CACNA2D3: variants seen among roughly 807,000 people sequenced by gnomAD.
CACNA2D3 encodes voltage-dependent calcium channel subunit alpha-2/delta-3.
CACNA2D3 carries 60 observed loss-of-function variants against 160.6 expected under a neutral mutation model. That is an observed-to-expected ratio of 0.37 (90% CI 0.30 to 0.46). The LOEUF is 0.46. Among genes scored for constraint, CACNA2D3 ranks in the 20% least tolerant of loss-of-function variants. The pLI, the probability that CACNA2D3 is intolerant of heterozygous loss-of-function variation, is 1.00. For synonymous variants in CACNA2D3, 558 were observed against 492.9 expected (o/e 1.13, Z -1.75); for missense variants, 1,205 against 1,365.0 (o/e 0.88, Z 1.85).
At chr3:54,612,868 T>G (rs1053627017) in intron 9 of CACNA2D3, among the ~76,000 whole-genome samples, 4 of 152,166 alleles carry the variant, frequency 2.6e-5, no homozygotes, top group African/African-American at 7.2e-5. Flanking sequence ...CTGGACCGCC[T>G]TATTACCCCC....
chr3:54,601,444 G>C (rs1336469366), intron 9 of CACNA2D3, among the ~76,000 whole-genome samples: 2 of 152,140 alleles, frequency 1.3e-5, no homozygotes, highest in African/African-American at 4.8e-5. Context: ...CTGGGCTCAA[G>C]TGATCCTCCT....
At chr3:54,455,992 CAG>C (rs1391795867) in intron 4 of CACNA2D3, among the ~76,000 whole-genome samples, 2 of 152,032 alleles carry the variant, frequency 1.3e-5, no homozygotes, top group African/African-American at 4.8e-5. Flanking sequence ...ATGAAGCCTC[CAG>C]CTTTGTTCTT....
chr3:54,322,828 A>G (rs1240846124), intron 3 of CACNA2D3, among the ~76,000 whole-genome samples: 1 of 152,190 alleles, frequency 6.6e-6, no homozygotes, highest in Non-Finnish European at 1.5e-5. Context: ...TAAAAAAAAA[A>G]AGACGATTTG....
intron 31 of CACNA2D3, among the ~76,000 whole-genome samples, chr3:55,001,128 C>T (rs960027720): frequency 3.3e-5 from 5 of 152,190 alleles, no homozygotes; most frequent in African/African-American, 1.2e-4. Flanking sequence ...TACACATCAG[C>T]TGTTGTTATC....
At chr3:54,664,125 A>G (rs1027900351) in intron 11 of CACNA2D3, among the ~76,000 whole-genome samples, 7 of 152,236 alleles carry the variant, frequency 4.6e-5, no homozygotes, top group East Asian at 1.9e-4. Flanking sequence ...TGCATCCCCA[A>G]GGGCCAGCTT....
chr3:54,257,488 A>AT (rs869203414), intron 2 of CACNA2D3, among the ~76,000 whole-genome samples: 36 of 150,886 alleles, frequency 2.4e-4, no homozygotes, highest in African/African-American at 7.1e-4. Context: ...CCCACCAGCT[A>AT]TTTTTTTTTC....
chr3:54,934,010 G>T (rs1701270082), intron 27 of CACNA2D3, among the ~76,000 whole-genome samples: 1 of 152,052 alleles, frequency 6.6e-6, no homozygotes, highest in African/African-American at 2.4e-5. Flanking sequence ...ACCTGGGGTG[G>T]TCCACCTGCC....
chr3:54,627,908 C>T (rs370030640), intron 10 of CACNA2D3, 32 bp downstream of exon 10: 16 of 1,413,298 alleles, frequency 1.1e-5, no homozygotes, highest in African/African-American at 9.9e-5. Context: ...CTTTCTCATC[C>T]CTTGGAGAAT....
At chr3:54,789,044 C>T (rs1356986352) in intron 13 of CACNA2D3, among the ~76,000 whole-genome samples, 3 of 152,114 alleles carry the variant, frequency 2.0e-5, no homozygotes, top group African/African-American at 7.2e-5. Context: ...TTATTGAATG[C>T]TCACAGTTGG....
chr3:54,634,141 C>T lies in CACNA2D3; in HGVS notation c.1053+6265C>T, dbSNP rs191174032. Among the ~76,000 whole-genome samples, 327 of 152,294 alleles carry T rather than the reference C, an allele frequency of 2.1e-3. 6 individuals carry two copies. Among genetic ancestry groups the T allele is most frequent in the Admixed American group, 0.017 (262 of 15,302 alleles). Reference sequence around the variant, plus strand: ...TATCTTTAATTTGAATGCTTTATTACGTCTCTCATTCACCAGTGGCCAGCC... The same window carrying T: ...TATCTTTAATTTGAATGCTTTATTATGTCTCTCATTCACCAGTGGCCAGCC... On this transcript the variant is annotated intron_variant, in intron 10 of 37. Coordinates refer to ENST00000474759, the MANE Select transcript of CACNA2D3 (RefSeq NM_018398.3).
Position 54,130,694 on chromosome 3 carries a change from A to G in CACNA2D3, c.204+7100A>G, listed in dbSNP as rs138617158. On this transcript the variant is annotated intron_variant, in intron 2 of 37. Coordinates refer to ENST00000474759, the MANE Select transcript of CACNA2D3 (RefSeq NM_018398.3). Reference sequence around the variant, plus strand: ...GGTCTACACATCTGGCCACAGTGCTATATTTTCTTGTCTTTGCGTGATCCT... The same window carrying G: ...GGTCTACACATCTGGCCACAGTGCTGTATTTTCTTGTCTTTGCGTGATCCT... 2.0e-5 allele frequency among the ~76,000 whole-genome samples: 3 copies of G among 152,340 alleles called. No homozygotes were observed. The East Asian group carries it at 5.8e-4, about 29-fold the overall frequency.
Position 54,550,419 on chromosome 3 carries a change from C to T in CACNA2D3, c.545-12381C>T, listed in dbSNP as rs1382498863. Among the ~76,000 whole-genome samples the T allele has an allele frequency of 3.9e-5, 6 of 152,278 alleles. No homozygotes were observed. The East Asian group carries it at 5.8e-4, about 15-fold the overall frequency. On this transcript the variant is annotated intron_variant, in intron 5 of 37. Transcript: ENST00000474759. ...TGCGAGGGGGCCGAGCAGCTGGCACCGCGTGGCGCAGTGGCTCCCGCCAAG... is the reference window on the plus strand; with the variant it reads ...TGCGAGGGGGCCGAGCAGCTGGCACTGCGTGGCGCAGTGGCTCCCGCCAAG...
Position 54,871,227 on chromosome 3 carries a change from C to CT in CACNA2D3, c.1627-312_1627-311insT, listed in dbSNP as rs1276126082. On this transcript the variant is annotated intron_variant, in intron 17 of 37. Coordinates refer to ENST00000474759, the MANE Select transcript of CACNA2D3 (RefSeq NM_018398.3). ...CACACACACACACACACACACACCC[C>CT]CCATTCAAGGAGGGGACAGATTTTC... Among the ~76,000 whole-genome samples, 4 of 146,140 alleles carry CT rather than the reference C, an allele frequency of 2.7e-5. No homozygotes were observed. In the East Asian group the frequency reaches 5.8e-4, roughly 21 times the overall value.
intron 4 of CACNA2D3, among the ~76,000 whole-genome samples, chr3:54,431,096 T>C (rs1699983096): frequency 1.3e-5 from 2 of 152,050 alleles, no homozygotes; most frequent in Non-Finnish European, 2.9e-5. Flanking sequence ...CCCAGCACTT[T>C]GGGAGGCTGA....
intron 4 of CACNA2D3, among the ~76,000 whole-genome samples, chr3:54,485,766 G>T (rs1028912010): frequency 8.5e-5 from 13 of 152,218 alleles, no homozygotes; most frequent in Admixed American, 8.5e-4. Flanking sequence ...GTTTCACCAG[G>T]TTGGCCAGGC....
chr3:54,469,874 T>C (rs900994474), intron 4 of CACNA2D3, among the ~76,000 whole-genome samples: 2 of 151,406 alleles, frequency 1.3e-5, no homozygotes, highest in African/African-American at 4.9e-5. Context: ...GAAGACAAGA[T>C]TAGAGAAAAA....
chr3:54,821,685 TTTCTTTCTTTCTTTCC>T (rs1261338657), intron 14 of CACNA2D3, among the ~76,000 whole-genome samples: 3 of 118,182 alleles, frequency 2.5e-5, no homozygotes, highest in African/African-American at 1.0e-4. Flanking sequence ...TCTTTCTTTC[TTTCTTTCTTTCTTTCC>T]TTCCTTCCTT....
At chr3:54,875,115 C>G (rs945328800) in intron 18 of CACNA2D3, 1 of 152,098 alleles carries the variant, frequency 6.6e-6, no homozygotes, top group Non-Finnish European at 1.5e-5. Context: ...GGCAAAAAAG[C>G]CTTTTTCATG....
At chr3:54,773,669 T>G (rs1013619314) in intron 13 of CACNA2D3, among the ~76,000 whole-genome samples, 1 of 152,194 alleles carries the variant, frequency 6.6e-6, no homozygotes, top group African/African-American at 2.4e-5. Context: ...TGAAACAGAT[T>G]ACTGTTATGA....
Sources: gnomAD v4.1 joint callset for allele counts (sites outside exome capture counted in the v4.1 genomes callset) on GRCh38, gnomAD v4.1.1 for gene constraint, MANE v1.5 for transcripts, NCBI Gene and HGNC (gene_info 2026-07-23, HGNC 2026-07-21) for gene names.